The following SLC28A2 variants were observed in gnomAD, a reference collection of about 807,000 sequenced individuals.
The protein encoded by SLC28A2 is solute carrier family 28 member 2.
Under a neutral mutation model 72.9 loss-of-function variants are expected in SLC28A2, and 69 were observed. The ratio of observed to expected loss-of-function variants is 0.95; its 90% CI spans 0.78 to 1.16. SLC28A2 has a LOEUF of 1.16. SLC28A2 is among the 50% of genes most tolerant of loss of function. The pLI is 0.00. For synonymous variants in SLC28A2, 296 were observed against 294.1 expected (o/e 1.01, Z -0.07); for missense variants, 745 against 791.1 (o/e 0.94, Z 0.70).
Position 45,264,921 on chromosome 15 carries a change from A to G in SLC28A2, c.702+153A>G, listed in dbSNP as rs17222022. ...AGAGTGTACTAGGATACAGCTAAGA[A>G]TATGAATAAAGAGCTCATGGGGACA... On this transcript the variant is annotated intron_variant, in intron 7 of 17. Transcript: ENST00000347644. 206 of 727,434 alleles carry G rather than the reference A, an allele frequency of 2.8e-4. 5 individuals carry two copies. The East Asian group carries it at 2.9e-3, about 10-fold the overall frequency. 45.1% of individuals were successfully genotyped at this position (727,434 alleles called of 1,614,324 possible).
chr15:45,255,704 AT>A (rs1270868869), intron 3 of SLC28A2, among the ~76,000 whole-genome samples: 3 of 152,176 alleles, frequency 2.0e-5, no homozygotes, highest in Non-Finnish European at 4.4e-5. Context: ...ATTATATAAA[AT>A]TTCCACCATA....
Position 45,268,228 on chromosome 15 carries a change from G to A in SLC28A2, c.1218G>A (p.Leu406=), listed in dbSNP as rs773009665. ...ACCACAGGAAGGAGAGGAATGTCCT[G>A]GAAGCTGCCAGCAACGGAGCCGTAG... ...KLPRGKERNV[L]EAASNGAVDA... is the part of the protein sequence containing the mutation. The change falls in exon 13 of 18, where the codon CTG becomes CTA. Residue 406 remains leucine (L), a synonymous_variant. Coordinates refer to ENST00000347644, the MANE Select transcript of SLC28A2 (RefSeq NM_004212.4). 6.2e-7 allele frequency: 1 copy of A among 1,606,212 alleles called. No homozygotes were observed. Among genetic ancestry groups the A allele is most frequent in the Non-Finnish European group, 8.5e-7 (1 of 1,173,372 alleles).
intron 5 of SLC28A2, 123 bp downstream of exon 5, chr15:45,263,367 G>A: frequency 4.3e-6 from 4 of 927,232 alleles, no homozygotes; most frequent in Non-Finnish European, 6.3e-6. Context: ...CCAAAGCGCA[G>A]AGAAAAATAA....
chr15:45,271,455 C>T (rs2140581777), intron 15 of SLC28A2, among the ~76,000 whole-genome samples: 1 of 152,196 alleles, frequency 6.6e-6, no homozygotes, highest in East Asian at 1.9e-4. Flanking sequence ...GTCCTATCTA[C>T]TCGGGAGGCT....
chr15:45,276,059 T>A lies in SLC28A2; in HGVS notation c.*546T>A, dbSNP rs1900747469. ...CATTCCTCATGGGCCCTGCCTGAAC[T>A]TTCATTTGAAAAAATAAGTATTACT... On this transcript the variant is annotated 3_prime_UTR_variant, in exon 18 of 18. Transcript: ENST00000347644. The A allele has an allele frequency of 6.6e-6, 1 of 152,406 alleles. No individual in the cohort carries two copies. Among genetic ancestry groups the A allele is most frequent in the African/African-American group, 2.4e-5 (1 of 41,424 alleles). 9.4% of individuals were successfully genotyped at this position (152,406 alleles called of 1,614,324 possible).
intron 10 of SLC28A2, 52 bp from the exon 11 acceptor site, chr15:45,267,403 G>C: frequency 6.2e-7 from 1 of 1,608,826 alleles, no homozygotes; most frequent in Non-Finnish European, 8.5e-7. Flanking sequence ...GGGCACACTG[G>C]CATGGGGAGT....
intron 14 of SLC28A2, among the ~76,000 whole-genome samples, chr15:45,269,934 G>A (rs16941242): frequency 0.061 from 9,300 of 151,894 alleles, 946 homozygotes; most frequent in African/African-American, 0.21. Flanking sequence ...CTCCTCCTTC[G>A]CAATCCTTCT....
chr15:45,262,168 C>A, intron 4 of SLC28A2, 62 bp downstream of exon 4: 1 of 1,198,108 alleles, frequency 8.3e-7, no homozygotes, highest in Non-Finnish European at 1.2e-6. Context: ...TGCCTTGTGT[C>A]AAGGTGATTA....
At chr15:45,273,996 G>T (rs1390247523) in intron 17 of SLC28A2, among the ~76,000 whole-genome samples, 1 of 152,002 alleles carries the variant, frequency 6.6e-6, no homozygotes, top group Non-Finnish European at 1.5e-5. Flanking sequence ...TCACTATGTT[G>T]CTCAGGCTTG....
At chr15:45,262,464 A>G (rs1023899739) in intron 4 of SLC28A2, among the ~76,000 whole-genome samples, 2 of 152,196 alleles carry the variant, frequency 1.3e-5, no homozygotes, top group Non-Finnish European at 2.9e-5. Flanking sequence ...GTTTACTACT[A>G]TATCATTGGA....
rs1462414924 is a variant in SLC28A2 at position 45,267,663 on chromosome 15, C to T, written c.1069-3C>T. The T allele has an allele frequency of 1.2e-6, 2 of 1,614,012 alleles. No homozygotes were observed. Among genetic ancestry groups the T allele is most frequent in the African/African-American group, 2.7e-5 (2 of 74,906 alleles). Reference sequence around the variant, plus strand: ...ACTGATGCCTAAGTCTGGCGCCTCACAGGTTGATGCATCATCCCTGATTTC... The same window carrying T: ...ACTGATGCCTAAGTCTGGCGCCTCATAGGTTGATGCATCATCCCTGATTTC... On this transcript the variant is annotated splice_region_variant and splice_polypyrimidine_tract_variant and intron_variant, in intron 11 of 17. Transcript: ENST00000347644.
chr15:45,272,648 T>C (rs759697315), intron 16 of SLC28A2, 25 bp from the exon 17 acceptor site: 5 of 1,284,686 alleles, frequency 3.9e-6, no homozygotes, highest in African/African-American at 1.5e-5. Flanking sequence ...ATCTTCCCCT[T>C]AGTACCTCTG....
Position 45,272,784 on chromosome 15 carries a change from G to A in SLC28A2, c.1859G>A (p.Ser620Asn), listed in dbSNP as rs200036675. The A allele has an allele frequency of 3.9e-6, 6 of 1,534,840 alleles. No homozygotes were observed. The highest frequency in any genetic ancestry group is 5.4e-6 in the Non-Finnish European group (6 of 1,107,752). Residue 620 changes from serine to asparagine, a missense_variant and splice_region_variant, in exon 17 of 18, where the codon AGT becomes AAT. Physicochemically the swap from Ser to Asn is conservative, Grantham distance 46 (BLOSUM62 1). Transcript: ENST00000347644. ...ATGTGCTGCAGAGGGCTCTTTCAGA[G>A]GTGAGCACCAGGACCCCATTCCTTT... is the stretch of plus-strand genomic sequence containing the variant. ...TYMCCRGLFQ[S>N]TSLNGTNPPS...
chr15:45,268,402 T>A, intron 13 of SLC28A2, 24 bp downstream of exon 13: 1 of 1,562,618 alleles, frequency 6.4e-7, no homozygotes, highest in Non-Finnish European at 8.7e-7. Flanking sequence ...TTTGTTGGGC[T>A]GTCCCTCTGG....
chr15:45,267,356 A>T (rs1370275975), intron 10 of SLC28A2, 99 bp from the exon 11 acceptor site: 2 of 1,271,978 alleles, frequency 1.6e-6, no homozygotes, highest in East Asian at 2.3e-5. Context: ...CACTGGATGG[A>T]TGTGTATCTA....
intron 12 of SLC28A2, 81 bp downstream of exon 12, chr15:45,267,877 TCC>T: frequency 2.0e-6 from 3 of 1,483,698 alleles, no homozygotes; most frequent in South Asian, 1.2e-5. Flanking sequence ...ACTTCAAGTC[TCC>T]CTGAGGGGGA....
At chr15:45,256,731 T>G (rs970221636) in intron 3 of SLC28A2, among the ~76,000 whole-genome samples, 3 of 152,120 alleles carry the variant, frequency 2.0e-5, no homozygotes, top group Non-Finnish European at 4.4e-5. Flanking sequence ...TCAACTAAAG[T>G]AAGTTCTGGA....
At chr15:45,268,711 T>G (rs1479971622) in intron 13 of SLC28A2, among the ~76,000 whole-genome samples, 1 of 152,120 alleles carries the variant, frequency 6.6e-6, no homozygotes, top group African/African-American at 2.4e-5. Flanking sequence ...TAAAGACACA[T>G]GCACACGTAT....
chr15:45,258,415 A>G (rs1042146874), intron 3 of SLC28A2, among the ~76,000 whole-genome samples: 3 of 152,180 alleles, frequency 2.0e-5, no homozygotes, highest in Admixed American at 6.5e-5. Flanking sequence ...CAAAGTGAAT[A>G]CAACCATATG....
Sources: gnomAD v4.1 joint callset for allele counts (sites outside exome capture counted in the v4.1 genomes callset) on GRCh38, gnomAD v4.1.1 for gene constraint, MANE v1.5 for transcripts, NCBI Gene and HGNC (gene_info 2026-07-23, HGNC 2026-07-21) for gene names.